AGAP4: variants seen among roughly 807,000 people sequenced by gnomAD.
AGAP4 encodes the protein arf-GAP with GTPase, ANK repeat and PH domain-containing protein 4.
In AGAP4, 13 loss-of-function variants were observed where a neutral mutation model predicts 60.7. The ratio of observed to expected loss-of-function variants is 0.21; its 90% CI spans 0.14 to 0.34. The LOEUF is 0.34. Among genes scored for constraint, AGAP4 ranks in the 10% least tolerant of loss-of-function variants. AGAP4 has a pLI of 1.00. For missense variants in AGAP4, 169 were observed against 884.0 expected (o/e 0.19, Z 10.26); for synonymous variants, 70 against 339.0 (o/e 0.21, Z 8.72).
chr10:45,827,031 A>G lies in AGAP4; in HGVS notation c.945T>C (p.Tyr315=). ...VTLCSNGVLT[Y]YSSLGDYMKN... ...TCATATAATCACCTAAGCTTGAATA[A>G]TAGGTGAGCACGCCATTGGAACACA... Residue 315 remains tyrosine (Y), a synonymous_variant, in exon 8 of 8, where the codon TAT becomes TAC. Transcript: ENST00000616763. The G allele has an allele frequency of 7.8e-7, 1 of 1,284,756 alleles. No individual in the cohort carries two copies. The highest frequency in any genetic ancestry group is 1.4e-5 in the South Asian group (1 of 69,888). The allele number at this position is 1,284,756 out of a possible 1,614,324, so 79.6% of individuals were successfully genotyped here. A position where few individuals can be genotyped will look rare whatever the true frequency, so the allele number is the denominator to read the frequency against.
chr10:45,853,711 T>G lies in AGAP4; in HGVS notation n.165A>C, dbSNP rs1338680369. 3.9e-5 allele frequency: 50 copies of G among 1,287,850 alleles called. No homozygotes were observed. In the East Asian group the frequency reaches 2.1e-3, roughly 53 times the overall value. 79.8% of individuals were successfully genotyped at this position (1,287,850 alleles called of 1,614,324 possible). On this transcript the variant is annotated non_coding_transcript_exon_variant, in exon 1 of 10. Coordinates refer to the AGAP4 transcript ENST00000430779. ...TTTGGATGTTGGTCAGAAGCTCCTCTTGGGCAGAGATCACAGCAGCAGCCA... is the reference window on the plus strand; with the variant it reads ...TTTGGATGTTGGTCAGAAGCTCCTCGTGGGCAGAGATCACAGCAGCAGCCA...
At chr10:45,846,917 G>A (rs1427248225) in intron 1 of AGAP4, among the ~76,000 whole-genome samples, 162 bp from the exon 2 acceptor site, 1 of 151,260 alleles carries the variant, frequency 6.6e-6, no homozygotes, top group East Asian at 2.0e-4. Context: ...GATTGGGAGG[G>A]GAGGCGAAAA....
upstream of AGAP4, chr10:45,847,573 T>C: frequency 1.4e-6 from 2 of 1,436,886 alleles, no homozygotes; most frequent in African/African-American, 1.5e-5. Context: ...CTCCCCTGAG[T>C]TGACTTGTCT....
intron 4 of AGAP4, among the ~76,000 whole-genome samples, chr10:45,840,021 G>C (rs1470142928): frequency 9.3e-5 from 14 of 149,934 alleles, no homozygotes; most frequent in Non-Finnish European, 1.6e-4. Context: ...AAGACTATCA[G>C]TAAAAAAGTA....
At chr10:45,843,884 C>G (rs2058959064) in intron 3 of AGAP4, among the ~76,000 whole-genome samples, 1 of 149,722 alleles carries the variant, frequency 6.7e-6, no homozygotes, top group South Asian at 2.1e-4. Context: ...AAGAGGAGGC[C>G]CAAATCACAG....
rs1590047321 is a variant in AGAP4, at chr10:45,853,054, A to G, written n.221+601T>C. ...TTGCAAGCATATATGAAAAACTTAC[A>G]AAAAGTCTGTAATGATCTTTTCTTA... is the stretch of plus-strand genomic sequence containing the variant. On this transcript the variant is annotated intron_variant and non_coding_transcript_variant, in intron 1 of 9. Coordinates refer to the AGAP4 transcript ENST00000430779. 2.6e-5 allele frequency among the ~76,000 whole-genome samples: 4 copies of G among 152,230 alleles called. No homozygotes were observed. The East Asian group carries it at 5.8e-4, about 22-fold the overall frequency.
At chr10:45,853,042 T>C (rs1324861658) in intron 1 of AGAP4, among the ~76,000 whole-genome samples, 1 of 151,998 alleles carries the variant, frequency 6.6e-6, no homozygotes, top group Non-Finnish European at 1.5e-5. Context: ...CAAGCATATA[T>C]GAAAAACTTA....
chr10:45,838,874 T>G (rs1488247282), intron 4 of AGAP4, among the ~76,000 whole-genome samples: 1 of 149,784 alleles, frequency 6.7e-6, no homozygotes, highest in Non-Finnish European at 1.5e-5. Context: ...TGTGAAGTAA[T>G]GGGAAGTATA....
At position 45,847,338 on chromosome 10, in the gene AGAP4, T is replaced by G; in HGVS notation, c.10A>C (p.Ile4Leu). The G allele has an allele frequency of 1.3e-6, 2 of 1,595,622 alleles. No individual in the cohort carries two copies. Among genetic ancestry groups the G allele is most frequent in the Non-Finnish European group, 1.7e-6 (2 of 1,179,072 alleles). The change falls in exon 1 of 8, where the codon ATA becomes CTA. Residue 4 changes from isoleucine (I) to leucine (L), a missense_variant. Coordinates refer to ENST00000616763, the MANE Select transcript of AGAP4 (RefSeq NM_001276343.3). MGN[I>L]LTCRVHPSVS... ...CTAGGGTGCACACGACAGGTCAGTATGTTCCCCATGGGGCGCCTCTACTGT... is the reference window on the plus strand; with the variant it reads ...CTAGGGTGCACACGACAGGTCAGTAGGTTCCCCATGGGGCGCCTCTACTGT...
intron 4 of AGAP4, among the ~76,000 whole-genome samples, chr10:45,837,645 C>A (rs1160140336): frequency 5.9e-5 from 9 of 151,836 alleles, no homozygotes; most frequent in African/African-American, 1.9e-4. Flanking sequence ...ACAAATGGTG[C>A]TGGGATAATT....
chr10:45,849,930 A>AT (rs1196465005), upstream of AGAP4, among the ~76,000 whole-genome samples: 2,323 of 143,696 alleles, frequency 0.016, 18 homozygotes, highest in Middle Eastern at 0.075. Context: ...TTTTAAAAGA[A>AT]TTTTTTTTTT....
intron 6 of AGAP4, among the ~76,000 whole-genome samples, chr10:45,830,182 TC>T (rs1554896905): frequency 6.7e-5 from 10 of 149,418 alleles, no homozygotes; most frequent in Non-Finnish European, 1.3e-4. Flanking sequence ...CTTCTTTTTT[TC>T]TTTTTTTGAG....
intron 2 of AGAP4, among the ~76,000 whole-genome samples, chr10:45,846,459 G>T (rs1363841902): frequency 6.6e-6 from 1 of 151,812 alleles, no homozygotes; most frequent in Non-Finnish European, 1.5e-5. Context: ...CCAAATATTT[G>T]AATAGGAACT....
intron 4 of AGAP4, among the ~76,000 whole-genome samples, chr10:45,838,452 T>C (rs1398675397): frequency 6.6e-6 from 1 of 151,272 alleles, no homozygotes; most frequent in Non-Finnish European, 1.5e-5. Context: ...AAATAATAAA[T>C]AAATAAATAA....
intron 4 of AGAP4, among the ~76,000 whole-genome samples, chr10:45,834,956 G>C (rs1240578959): frequency 6.8e-6 from 1 of 146,680 alleles, no homozygotes; most frequent in Non-Finnish European, 1.5e-5. Flanking sequence ...TGTGTTTTTA[G>C]TAGAGACGGG....
chr10:45,843,458 A>T (rs2058952151), intron 3 of AGAP4, among the ~76,000 whole-genome samples: 1 of 136,518 alleles, frequency 7.3e-6, no homozygotes, highest in East Asian at 2.1e-4. Flanking sequence ...ACAGCCTGAA[A>T]ATCTTTGAGC....
chr10:45,849,544 C>T (rs1221186002), upstream of AGAP4, among the ~76,000 whole-genome samples: 4 of 150,774 alleles, frequency 2.7e-5, 1 homozygote, highest in Admixed American at 1.3e-4. Flanking sequence ...AATTGTTTCT[C>T]TAATTTCATT....
intron 5 of AGAP4, among the ~76,000 whole-genome samples, chr10:45,831,914 T>C (rs1466378731): frequency 2.0e-5 from 3 of 148,276 alleles, no homozygotes; most frequent in East Asian, 3.9e-4. Context: ...TAATGTTTTT[T>C]TGGGGGGTGG....
chr10:45,837,623 A>T (rs2058842634), intron 4 of AGAP4, among the ~76,000 whole-genome samples: 2 of 151,918 alleles, frequency 1.3e-5, no homozygotes, highest in Non-Finnish European at 2.9e-5. Context: ...TGAAGAAGGT[A>T]AACCCTATTC....
Sources: allele counts gnomAD v4.1 joint callset (sites outside exome capture counted in the v4.1 genomes callset), GRCh38; gene constraint gnomAD v4.1.1; transcripts MANE v1.5; gene names NCBI Gene and HGNC (gene_info 2026-07-23, HGNC 2026-07-21).